The following AGBL3 variants were observed in gnomAD, a reference collection of about 807,000 sequenced individuals.
AGBL3 encodes the protein cytosolic carboxypeptidase 3.
In AGBL3, 68 loss-of-function variants were observed where a neutral mutation model predicts 94.5. The ratio of observed to expected loss-of-function variants is 0.72; its 90% CI spans 0.59 to 0.88. The LOEUF is 0.88. AGBL3 is among the 40% of genes least tolerant of loss of function. AGBL3 has a pLI of 0.00. For missense variants in AGBL3, 934 were observed against 1,103.8 expected, an observed-to-expected ratio of 0.85 and a Z score of 2.18; for synonymous variants, 354 against 370.7, an observed-to-expected ratio of 0.95 and a Z score of 0.52.
Position 135,017,055 on chromosome 7 carries a change from G to A in AGBL3, c.314G>A (p.Trp105Ter), listed in dbSNP as rs1231040396. ...VIDEKVQHID[W>*]TPSCPEPVYI... ...AATGTTTCACTTTTTTTTCCAGATT[G>A]GACTCCTTCTTGTCCTGAGCCAGTG... Residue 105 changes from tryptophan (W) to a stop codon, truncating the protein, a stop_gained, in exon 5 of 17, where the codon TGG becomes TAG. Coordinates refer to ENST00000436302, the MANE Select transcript of AGBL3 (RefSeq NM_178563.4). LOFTEE classifies it high-confidence loss of function. 1.3e-6 allele frequency: 2 copies of A among 1,526,812 alleles called. No homozygotes were observed. Among genetic ancestry groups the A allele is most frequent in the Admixed American group, 2.0e-5 (1 of 49,416 alleles). The allele number at this position is 1,526,812 out of a possible 1,614,324, so 94.6% of individuals were successfully genotyped here. A position where few individuals can be genotyped will look rare whatever the true frequency, so the allele number is the denominator to read the frequency against.
At chr7:135,083,116 TTA>T (rs1323195285) in intron 15 of AGBL3, among the ~76,000 whole-genome samples, 2 of 152,100 alleles carry the variant, frequency 1.3e-5, no homozygotes, top group Non-Finnish European at 2.9e-5. Context: ...ATGTATGATT[TTA>T]CCTCAGAATC....
chr7:135,035,266 T>A (rs1315796118), intron 7 of AGBL3, among the ~76,000 whole-genome samples: 1 of 151,758 alleles, frequency 6.6e-6, no homozygotes, highest in Non-Finnish European at 1.5e-5. Flanking sequence ...AATTTTTTTA[T>A]AAATATATAT....
intron 12 of AGBL3, among the ~76,000 whole-genome samples, chr7:135,072,479 G>A (rs1820016775): frequency 6.6e-6 from 1 of 152,072 alleles, no homozygotes; most frequent in Admixed American, 6.6e-5. Flanking sequence ...GTTTATTGCG[G>A]CACTATTCAC....
chr7:135,052,715 A>G (rs1337035222), intron 11 of AGBL3, among the ~76,000 whole-genome samples: 2 of 152,302 alleles, frequency 1.3e-5, no homozygotes, highest in South Asian at 4.1e-4. Context: ...CTAAATGAGG[A>G]TAAGAGACAG....
chr7:135,113,269 T>C (rs966157554), intron 15 of AGBL3, among the ~76,000 whole-genome samples: 3 of 152,198 alleles, frequency 2.0e-5, no homozygotes, highest in African/African-American at 7.2e-5. Context: ...ACAAAAAAAC[T>C]TATTGTAGAA....
chr7:135,110,495 G>A (rs1429663776), intron 15 of AGBL3, among the ~76,000 whole-genome samples: 1 of 152,114 alleles, frequency 6.6e-6, no homozygotes, highest in African/African-American at 2.4e-5. Flanking sequence ...GTGGGTTCAT[G>A]AGAAGACCTC....
chr7:135,008,635 ATGAAT>A (rs1323799779), intron 4 of AGBL3, among the ~76,000 whole-genome samples: 1 of 151,430 alleles, frequency 6.6e-6, no homozygotes, highest in African/African-American at 2.4e-5. Flanking sequence ...AAAAAAATAG[ATGAAT>A]TGAACTTTAT....
chr7:135,117,368 G>GT (rs35057885), intron 16 of AGBL3, among the ~76,000 whole-genome samples: 66,769 of 151,932 alleles, frequency 0.44, 15,364 homozygotes, highest in East Asian at 0.78. Flanking sequence ...GACAATGTAG[G>GT]TTTCAGCCCT....
chr7:135,080,744 G>GT (rs11409204), intron 14 of AGBL3, among the ~76,000 whole-genome samples: 93,453 of 136,938 alleles, frequency 0.68, 32,894 homozygotes, highest in East Asian at 0.8. Flanking sequence ...TAGCATCTCT[G>GT]TTTTTTTTTT....
At chr7:135,123,178 T>A (rs1443605459) in intron 16 of AGBL3, among the ~76,000 whole-genome samples, 1 of 152,096 alleles carries the variant, frequency 6.6e-6, no homozygotes, top group Non-Finnish European at 1.5e-5. Flanking sequence ...CTAACTAGAA[T>A]AACCAGTTTA....
At chr7:135,051,755 A>G (rs1318750619) in intron 11 of AGBL3, among the ~76,000 whole-genome samples, 1 of 152,040 alleles carries the variant, frequency 6.6e-6, no homozygotes, top group African/African-American at 2.4e-5. Context: ...AAAAATCTTC[A>G]TTCCTAATTA....
intron 16 of AGBL3, among the ~76,000 whole-genome samples, chr7:135,121,140 G>A (rs1358247681): frequency 6.6e-6 from 1 of 152,186 alleles, no homozygotes; most frequent in Non-Finnish European, 1.5e-5. Context: ...GGGAGGTGGA[G>A]GTTGCGGTGA....
At chr7:134,998,225 A>G (rs2133394636) in intron 4 of AGBL3, among the ~76,000 whole-genome samples, 1 of 152,328 alleles carries the variant, frequency 6.6e-6, no homozygotes, top group East Asian at 1.9e-4. Flanking sequence ...GTTCATCATT[A>G]TATCTTATGA....
chr7:135,127,885 T>C (rs1257904849), intron 16 of AGBL3, among the ~76,000 whole-genome samples: 2 of 152,194 alleles, frequency 1.3e-5, no homozygotes, highest in Admixed American at 6.5e-5. Context: ...CATATGTTTA[T>C]TGCAGCACTG....
In AGBL3 at chr7:135,034,466, C is replaced by T; in HGVS notation, c.875C>T (p.Thr292Ile). The T allele has an allele frequency of 1.3e-6, 2 of 1,551,804 alleles. No individual in the cohort carries two copies. The highest frequency in any genetic ancestry group is 1.7e-6 in the Non-Finnish European group (2 of 1,147,000). The change falls in exon 7 of 17, where the codon ACC becomes ATC. Residue 292 changes from threonine to isoleucine, a missense_variant. Transcript: ENST00000436302. Reference protein sequence around the residue: ...WTFQFPHNKDTCYFAHCYPYT... With the variant: ...WTFQFPHNKDICYFAHCYPYT... ...TTTCAATTTCCACACAACAAAGATA[C>T]CTGCTACTTTGCTCATTGCTATCCA...
rs750194969 is a variant in AGBL3 at position 134,993,507 on chromosome 7, G to A, written c.139G>A (p.Asp47Asn). ...CALLTADSFG[D>N]PFFPRTTQIL... ...CTTTTTCTCAGCTGACTCTTTTGGTGATCCCTTCTTCCCCCGGACTACACA... is the reference window on the plus strand; with the variant it reads ...CTTTTTCTCAGCTGACTCTTTTGGTAATCCCTTCTTCCCCCGGACTACACA... The change falls in exon 4 of 17, where the codon GAT becomes AAT. Residue 47 changes from aspartate to asparagine, a missense_variant. Coordinates refer to ENST00000436302, the MANE Select transcript of AGBL3 (RefSeq NM_178563.4). The A allele has an allele frequency of 1.6e-5, 24 of 1,546,720 alleles. No individual in the cohort carries two copies. Among genetic ancestry groups the A allele is most frequent in the Non-Finnish European group, 2.1e-5 (24 of 1,145,202 alleles).
chr7:135,009,712 A>G (rs961344343), intron 4 of AGBL3, among the ~76,000 whole-genome samples: 3 of 152,222 alleles, frequency 2.0e-5, no homozygotes, highest in African/African-American at 7.2e-5. Context: ...TGGGATTCCC[A>G]GAGGAAAAGT....
At position 135,062,217 on chromosome 7, in the gene AGBL3, G is replaced by C. The variant is rs780934727; in HGVS notation, c.1908+2982G>C. On this transcript the variant is annotated intron_variant, in intron 12 of 16. Transcript: ENST00000436302. The stretch of plus-strand genomic sequence containing the variant: ...GATAGTTTGTTATTAATCATACTTT[G>C]TATAGAATCACTACTGATTTTGTAT... 3.2e-4 allele frequency among the ~76,000 whole-genome samples: 49 copies of C among 151,930 alleles called. 1 individual carries two copies. The highest frequency in any genetic ancestry group is 7.4e-5 in the Non-Finnish European group (5 of 67,872).
At chr7:135,077,331 G>A (rs573013374) in intron 13 of AGBL3, among the ~76,000 whole-genome samples, 1 of 152,130 alleles carries the variant, frequency 6.6e-6, no homozygotes, top group African/African-American at 2.4e-5. Context: ...TTTGTAAAAT[G>A]ATGGTTCCAC....
Sources: gnomAD v4.1 joint callset for allele counts (sites outside exome capture counted in the v4.1 genomes callset) on GRCh38, gnomAD v4.1.1 for gene constraint, MANE v1.5 for transcripts, NCBI Gene and HGNC (gene_info 2026-07-23, HGNC 2026-07-21) for gene names.